OPHN1: variants seen among roughly 807,000 people sequenced by gnomAD.
OPHN1 encodes oligophrenin 1.
OPHN1 carries 11 observed loss-of-function variants against 60.7 expected under a neutral mutation model. The ratio of observed to expected loss-of-function variants is 0.18; its 90% CI spans 0.11 to 0.30. OPHN1 has a LOEUF of 0.30. Ranked by LOEUF, OPHN1 falls within the 10% of genes least tolerant of loss-of-function variation. The pLI, the probability that OPHN1 is intolerant of heterozygous loss-of-function variation, is 1.00. For missense variants in OPHN1, 449 were observed against 611.0 expected, an observed-to-expected ratio of 0.73 and a Z score of 2.80; for synonymous variants, 226 against 222.6, an observed-to-expected ratio of 1.02 and a Z score of -0.14.
chrX:68,358,735 C>T (rs139677404), intron 2 of OPHN1, among the ~76,000 whole-genome samples: 1,915 of 112,033 alleles, frequency 0.017, 22 homozygotes, highest in Non-Finnish European at 0.024. Flanking sequence ...TGACTTCATA[C>T]CATCAAAACT....
At chrX:68,169,735 A>C (rs1277462002) in intron 15 of OPHN1, among the ~76,000 whole-genome samples, 1 of 108,312 alleles carries the variant, frequency 9.2e-6, no homozygotes, top group African/African-American at 3.4e-5. Flanking sequence ...CATATGTAGA[A>C]AGCTGAAACT....
chrX:68,220,391 A>C (rs1278474600), intron 6 of OPHN1, among the ~76,000 whole-genome samples: 1 of 111,426 alleles, frequency 9.0e-6, no homozygotes, highest in African/African-American at 3.3e-5. Context: ...AAACTATTCC[A>C]ATCAATAGAA....
chrX:68,232,474 TATCA>T (rs780851543), intron 6 of OPHN1, among the ~76,000 whole-genome samples: 1 of 111,797 alleles, frequency 8.9e-6, no homozygotes, highest in East Asian at 2.8e-4. Context: ...GAGAAAATGT[TATCA>T]GTCAGGGAAG....
intron 5 of OPHN1, among the ~76,000 whole-genome samples, chrX:68,267,328 C>T (rs900372827): frequency 8.9e-6 from 1 of 112,018 alleles, no homozygotes; most frequent in Admixed American, 9.5e-5. Context: ...AACAAACTAT[C>T]TCTCAGACCA....
intron 2 of OPHN1, among the ~76,000 whole-genome samples, chrX:68,419,908 C>T (rs751804525): frequency 9.0e-6 from 1 of 111,043 alleles, no homozygotes; most frequent in Admixed American, 9.7e-5. Context: ...AAGGTTACTC[C>T]CTCCTTTATC....
At chrX:68,320,179 A>G (rs1388222398) in intron 2 of OPHN1, among the ~76,000 whole-genome samples, 1 of 110,550 alleles carries the variant, frequency 9.0e-6, no homozygotes, top group African/African-American at 3.3e-5. Flanking sequence ...GCAAAACTCC[A>G]TCTATATTAA....
intron 15 of OPHN1, among the ~76,000 whole-genome samples, chrX:68,134,919 G>A (rs1389285445): frequency 1.8e-5 from 2 of 111,103 alleles, no homozygotes; most frequent in Non-Finnish European, 3.8e-5. Flanking sequence ...GCAGGTAGAA[G>A]TATACATTTA....
chrX:68,377,096 ATTT>A (rs35459211), intron 2 of OPHN1, among the ~76,000 whole-genome samples: 4 of 83,527 alleles, frequency 4.8e-5, no homozygotes, highest in South Asian at 6.1e-4. Flanking sequence ...CATGCAGCTA[ATTT>A]TTTTTTTTTT....
chrX:68,311,356 G>A (rs1015795520), intron 2 of OPHN1, among the ~76,000 whole-genome samples: 3 of 112,134 alleles, frequency 2.7e-5, no homozygotes, highest in African/African-American at 6.5e-5. Flanking sequence ...GGCAATTCAC[G>A]TAGAATACAC....
intron 5 of OPHN1, among the ~76,000 whole-genome samples, chrX:68,269,201 T>G (rs1048620399): frequency 9.8e-5 from 11 of 111,735 alleles, no homozygotes; most frequent in Non-Finnish European, 1.9e-5. Context: ...TCCATCAAGC[T>G]ACCAAAGACT....
chrX:68,378,470 C>G (rs775307222), intron 2 of OPHN1, among the ~76,000 whole-genome samples: 1 of 111,679 alleles, frequency 9.0e-6, no homozygotes, highest in African/African-American at 3.3e-5. Context: ...GCTTTTGTTG[C>G]CATTGCTTTT....
intron 10 of OPHN1, among the ~76,000 whole-genome samples, chrX:68,204,256 T>G (rs914783045): frequency 8.9e-6 from 1 of 112,290 alleles, no homozygotes; most frequent in African/African-American, 3.2e-5. Context: ...TTTGAGAAGA[T>G]GATCAGAAAA....
intron 2 of OPHN1, among the ~76,000 whole-genome samples, chrX:68,344,604 G>A (rs753104095): frequency 4.5e-5 from 5 of 110,815 alleles, no homozygotes; most frequent in Non-Finnish European, 7.5e-5. Context: ...ACTGGGCAAC[G>A]TGGCTCACAC....
chrX:68,114,589 C>T (rs1357672768), intron 16 of OPHN1, among the ~76,000 whole-genome samples: 2 of 110,643 alleles, frequency 1.8e-5, no homozygotes, highest in Non-Finnish European at 3.8e-5. Context: ...AATGAGACCC[C>T]TACCTCTTAA....
intron 18 of OPHN1, among the ~76,000 whole-genome samples, chrX:68,110,379 G>A (rs765221921): frequency 8.9e-6 from 1 of 112,172 alleles, no homozygotes; most frequent in South Asian, 3.7e-4. Flanking sequence ...CCTTTGGGCA[G>A]ATAGAGGCAG....
At chrX:68,318,206 T>C (rs369829167) in intron 2 of OPHN1, among the ~76,000 whole-genome samples, 5 of 112,228 alleles carry the variant, frequency 4.5e-5, no homozygotes, top group African/African-American at 1.3e-4. Flanking sequence ...CATGTAATTC[T>C]AACTAAACCT....
chrX:68,314,405 C>G (rs933512759), intron 2 of OPHN1, among the ~76,000 whole-genome samples: 1 of 110,716 alleles, frequency 9.0e-6, no homozygotes, highest in Admixed American at 9.6e-5. Context: ...CCTGTAATCC[C>G]AGCTACTTGG....
intron 2 of OPHN1, among the ~76,000 whole-genome samples, chrX:68,361,650 G>A (rs928239233): frequency 4.5e-5 from 5 of 110,739 alleles, no homozygotes; most frequent in East Asian, 5.6e-4. Flanking sequence ...TGCATACCAC[G>A]TTTTCTTTAC....
chrX:68,250,658 G>A (rs1314823729), intron 5 of OPHN1, among the ~76,000 whole-genome samples: 3 of 111,592 alleles, frequency 2.7e-5, no homozygotes, highest in African/African-American at 9.8e-5. Context: ...TGGTATTTGC[G>A]TTTATTTTAA....
Sources: gnomAD v4.1 joint callset for allele counts (sites outside exome capture counted in the v4.1 genomes callset) on GRCh38, gnomAD v4.1.1 for gene constraint, MANE v1.5 for transcripts, NCBI Gene and HGNC (gene_info 2026-07-23, HGNC 2026-07-21) for gene names.